Variants in CP observed in about 807,000 individuals in gnomAD.
CP encodes ceruloplasmin.
Under a neutral mutation model 122.4 loss-of-function variants are expected in CP, and 64 were observed. That is an observed-to-expected ratio of 0.52 (90% confidence interval 0.43 to 0.64). The LOEUF is 0.64. Among genes scored for constraint, CP ranks in the 30% least tolerant of loss-of-function variants. The probability of loss-of-function intolerance (pLI) is 0.00; values close to 1 mark genes in which losing one functional copy is unlikely to be tolerated. For missense variants in CP, 1,167 were observed against 1,284.4 expected (o/e 0.91, Z 1.40); for synonymous variants, 440 against 436.4 (o/e 1.01, Z -0.10).
Position 149,207,518 on chromosome 3 carries a change from A to C in CP, c.881T>G (p.Val294Gly). 6.2e-7 allele frequency: 1 copy of C among 1,614,052 alleles called. No homozygotes were observed. Among genetic ancestry groups the C allele is most frequent in the Non-Finnish European group, 8.5e-7 (1 of 1,179,892 alleles). ...YLFGMGNEVDVHAAFFHGQAL... is the reference protein window; with the variant it reads ...YLFGMGNEVDGHAAFFHGQAL... The stretch of plus-strand genomic sequence containing the variant: ...TTGCCCGTGAAAGAAAGCTGCGTGC[A>C]CATCAACTTCATTACCCATACCAAA... Residue 294 changes from valine (V) to glycine (G), a missense_variant, in exon 5 of 19, where the codon GTG (valine) becomes GGG (glycine). Val to Gly is a moderately radical substitution (Grantham distance 109). Transcript: ENST00000264613.
chr3:149,213,965 T>C (rs1464486093), intron 1 of CP, among the ~76,000 whole-genome samples: 4 of 152,190 alleles, frequency 2.6e-5, no homozygotes, highest in Non-Finnish European at 4.4e-5. Context: ...CTTAGTGAAA[T>C]GCAAACTCCT....
chr3:149,201,621 C>T (rs933280688), intron 7 of CP, among the ~76,000 whole-genome samples: 1 of 152,068 alleles, frequency 6.6e-6, no homozygotes, highest in African/African-American at 2.4e-5. Flanking sequence ...GATGTAGTCT[C>T]GCTCTGTCTC....
intron 14 of CP, 67 bp downstream of exon 14, chr3:149,181,938 A>C (rs764871328): frequency 1.9e-5 from 30 of 1,546,514 alleles, no homozygotes; most frequent in Non-Finnish European, 7.1e-6. Flanking sequence ...CTATGATGAG[A>C]GTAATCTGTG....
In CP at chr3:149,210,209, T is replaced by C. The variant is rs1357846836; in HGVS notation, c.565A>G (p.Ile189Val). 8.7e-6 allele frequency: 14 copies of C among 1,614,020 alleles called. No homozygotes were observed. Among genetic ancestry groups the C allele is most frequent in the Non-Finnish European group, 1.2e-5 (14 of 1,179,926 alleles). ...AAAGGTCCGATGAGTCCTGAGGCAA[T>C]ATCTTTTGGAGCATCAATGTGGGAA... ...YHSHIDAPKDIASGLIGPLII... is the reference protein window; with the variant it reads ...YHSHIDAPKDVASGLIGPLII... Residue 189 changes from isoleucine to valine, a missense_variant, in exon 3 of 19, where the codon ATT becomes GTT. By Grantham distance (29) the Ile-to-Val change is conservative. Coordinates refer to ENST00000264613, the MANE Select transcript of CP (RefSeq NM_000096.4).
chr3:149,183,999 T>C (rs1013739772), intron 12 of CP, among the ~76,000 whole-genome samples: 1 of 151,124 alleles, frequency 6.6e-6, no homozygotes, highest in Non-Finnish European at 1.5e-5. Context: ...ATGGACATCT[T>C]TTCCCAGGCA....
At chr3:149,187,490 A>G (rs1726250489) in intron 10 of CP, among the ~76,000 whole-genome samples, 2 of 152,214 alleles carry the variant, frequency 1.3e-5, no homozygotes, top group South Asian at 4.1e-4. Flanking sequence ...ACTTAAATAA[A>G]AATCTCTGGG....
At position 149,185,309 on chromosome 3, in the gene CP, C is replaced by T; in HGVS notation, c.2215G>A (p.Val739Met). 1 of 1,614,070 alleles carries T rather than the reference C, an allele frequency of 6.2e-7. No individual in the cohort carries two copies. Among genetic ancestry groups the T allele is most frequent in the Non-Finnish European group, 8.5e-7 (1 of 1,180,022 alleles). ...LGERTYYIAAVEVEWDYSPQR... is the reference protein window; with the variant it reads ...LGERTYYIAAMEVEWDYSPQR... ...GGGGAATAATCCCATTCCACCTCCA[C>T]TGCTGCGATATAGTATGTCCTCTCT... The change falls in exon 12 of 19, where the codon GTG becomes ATG. Residue 739 changes from valine (V) to methionine (M), a missense_variant. Transcript: ENST00000264613.
At position 149,212,438 on chromosome 3, in the gene CP, G is replaced by A. The variant is rs1366324503; in HGVS notation, c.394+13C>T. ...AAGTAAGAGGAAATTCCAGCTACATGAGCTGAACTTACCCTCATGTTCCTT... is the reference window on the plus strand; with the variant it reads ...AAGTAAGAGGAAATTCCAGCTACATAAGCTGAACTTACCCTCATGTTCCTT... On this transcript the variant is annotated intron_variant, in intron 2 of 18. Transcript: ENST00000264613. 1 of 1,613,678 alleles carries A rather than the reference G, an allele frequency of 6.2e-7. No homozygotes were observed. Among genetic ancestry groups the A allele is most frequent in the Non-Finnish European group, 8.5e-7 (1 of 1,179,856 alleles).
intron 2 of CP, among the ~76,000 whole-genome samples, chr3:149,212,142 A>AT (rs1728148432): frequency 6.6e-6 from 1 of 151,796 alleles, no homozygotes; most frequent in Non-Finnish European, 1.5e-5. Context: ...AAATGCAAAA[A>AT]AAAAATAAAA....
Position 149,179,460 on chromosome 3 carries a change from A to G in CP, c.2661+96T>C, listed in dbSNP as rs1725639294. On this transcript the variant is annotated intron_variant, in intron 15 of 18. Coordinates refer to ENST00000264613, the MANE Select transcript of CP (RefSeq NM_000096.4). The stretch of plus-strand genomic sequence containing the variant: ...AACAGTTTATTTTCCTAGGATTTTA[A>G]CGTAGAATTGGACCACAGGAAAACA... 3.3e-6 allele frequency: 3 copies of G among 920,412 alleles called. No homozygotes were observed. In the South Asian group the frequency reaches 4.1e-5, roughly 13 times the overall value. 57.0% of individuals were successfully genotyped at this position (920,412 alleles called of 1,614,324 possible). A position where few individuals can be genotyped will look rare whatever the true frequency, so the allele number is the denominator to read the frequency against.
chr3:149,163,726 T>A (rs549810375), intron 5 of CP: 1 of 659,818 alleles, frequency 1.5e-6, no homozygotes, highest in South Asian at 1.7e-5. Context: ...CCCAGGAAAG[T>A]ATATACCTAA....
intron 9 of CP, among the ~76,000 whole-genome samples, chr3:149,188,735 C>A (rs1726353444): frequency 6.6e-6 from 1 of 151,926 alleles, no homozygotes; most frequent in Admixed American, 6.6e-5. Context: ...CCACTTCTCC[C>A]AGTGGAAAAA....
chr3:149,186,420 G>T, intron 11 of CP, 100 bp downstream of exon 11: 1 of 1,135,702 alleles, frequency 8.8e-7, no homozygotes, highest in Non-Finnish European at 1.3e-6. Context: ...CAGAGGCTTG[G>T]GGAAGGGATA....
chr3:149,199,591 A>C, intron 8 of CP, 121 bp downstream of exon 8: 1 of 1,188,210 alleles, frequency 8.4e-7, no homozygotes, highest in Non-Finnish European at 1.3e-6. Flanking sequence ...TGATGCCTAG[A>C]AATGATATAT....
At chr3:149,180,841 C>A (rs1376967493) in intron 14 of CP, among the ~76,000 whole-genome samples, 2 of 152,160 alleles carry the variant, frequency 1.3e-5, no homozygotes, top group African/African-American at 4.8e-5. Context: ...TGCTCTTCCA[C>A]CAGTGGTCAG....
chr3:149,218,493 T>C (rs745726011), intron 1 of CP, among the ~76,000 whole-genome samples: 3 of 152,106 alleles, frequency 2.0e-5, no homozygotes, highest in Non-Finnish European at 2.9e-5. Flanking sequence ...GTAAACTTTA[T>C]TTTTTTAGTC....
rs76543228 is a variant in CP, at chr3:149,212,702, C to A, written c.147-4G>T. ...AAGATAGATATTGGAATGTTCCCTGCAAAGAAAAACAAGACAACTCTATCA... is the reference window on the plus strand; with the variant it reads ...AAGATAGATATTGGAATGTTCCCTGAAAAGAAAAACAAGACAACTCTATCA... On this transcript the variant is annotated splice_region_variant and splice_polypyrimidine_tract_variant and intron_variant, in intron 1 of 18. Transcript: ENST00000264613. 1.2e-6 allele frequency: 2 copies of A among 1,612,580 alleles called. No individual in the cohort carries two copies. Among genetic ancestry groups the A allele is most frequent in the East Asian group, 2.2e-5 (1 of 44,800 alleles).
At chr3:149,189,411 G>A (rs1726394738) in intron 9 of CP, among the ~76,000 whole-genome samples, 1 of 151,410 alleles carries the variant, frequency 6.6e-6, no homozygotes, top group Admixed American at 6.6e-5. Flanking sequence ...AAAATTAGCC[G>A]GGTGTGATGG....
chr3:149,197,812 T>G (rs1397552018), intron 9 of CP, among the ~76,000 whole-genome samples: 2 of 152,176 alleles, frequency 1.3e-5, no homozygotes, highest in Non-Finnish European at 2.9e-5. Context: ...CCGCCACTGA[T>G]CTGACAGGAG....
Sources: allele counts gnomAD v4.1 joint callset (sites outside exome capture counted in the v4.1 genomes callset), GRCh38; gene constraint gnomAD v4.1.1; transcripts MANE v1.5; gene names NCBI Gene and HGNC (gene_info 2026-07-23, HGNC 2026-07-21).